The following GALNT2 variants were observed in gnomAD, a reference collection of about 807,000 sequenced individuals.
GALNT2 encodes the protein polypeptide N-acetylgalactosaminyltransferase 2.
Under a neutral mutation model 81.4 loss-of-function variants are expected in GALNT2, and 31 were observed. The observed-to-expected ratio is 0.38, with a 90% confidence interval of 0.29 to 0.51. The LOEUF (loss-of-function observed/expected upper bound fraction) is 0.51, where lower values mean the gene tolerates loss of function less well. Ranked by LOEUF, GALNT2 falls within the 20% of genes least tolerant of loss-of-function variation. The pLI is 0.87. For synonymous variants in GALNT2, 303 were observed against 287.4 expected, an observed-to-expected ratio of 1.05 and a Z score of -0.55; for missense variants, 629 against 765.7, an observed-to-expected ratio of 0.82 and a Z score of 2.11.
intron 1 of GALNT2, among the ~76,000 whole-genome samples, chr1:230,091,362 T>C (rs1029326766): frequency 5.9e-5 from 9 of 152,152 alleles, no homozygotes; most frequent in Middle Eastern, 6.8e-3. Context: ...GTGTGAGCCA[T>C]TGTGCCCGGT....
At chr1:230,274,225 C>G (rs1422176183) in intron 14 of GALNT2, among the ~76,000 whole-genome samples, 1 of 152,246 alleles carries the variant, frequency 6.6e-6, no homozygotes, top group Non-Finnish European at 1.5e-5. Context: ...GCACATCACT[C>G]AGCCAACTTA....
intron 1 of GALNT2, among the ~76,000 whole-genome samples, chr1:230,119,196 G>T (rs1660937937): frequency 6.6e-6 from 1 of 152,158 alleles, no homozygotes; most frequent in Non-Finnish European, 1.5e-5. Context: ...TACAACCTCT[G>T]GTTCTTGGAA....
At chr1:230,224,702 G>A (rs1247743117) in intron 3 of GALNT2, among the ~76,000 whole-genome samples, 1 of 152,240 alleles carries the variant, frequency 6.6e-6, no homozygotes, top group Non-Finnish European at 1.5e-5. Flanking sequence ...TTTGGTGAGC[G>A]AAGAGTGTGT....
At chr1:230,125,385 C>T (rs1177765345) in intron 1 of GALNT2, among the ~76,000 whole-genome samples, 1 of 152,150 alleles carries the variant, frequency 6.6e-6, no homozygotes, top group Non-Finnish European at 1.5e-5. Context: ...TCCTAGCGAC[C>T]CCTCCCTCAG....
At chr1:230,186,500 A>G (rs1387529780) in intron 2 of GALNT2, among the ~76,000 whole-genome samples, 3 of 152,384 alleles carry the variant, frequency 2.0e-5, no homozygotes, top group Middle Eastern at 6.8e-3. Context: ...TTCCTTTATT[A>G]TAATAATAGG....
intron 3 of GALNT2, among the ~76,000 whole-genome samples, chr1:230,205,148 G>A (rs79242222): frequency 0.013 from 1,983 of 152,234 alleles, 38 homozygotes; most frequent in African/African-American, 0.046. Flanking sequence ...AGAGACAAAT[G>A]GCCAGTGAAA....
chr1:230,068,066 G>C (rs1444829159), intron 1 of GALNT2, among the ~76,000 whole-genome samples: 1 of 152,300 alleles, frequency 6.6e-6, no homozygotes, highest in East Asian at 1.9e-4. Context: ...GTTACCCTCT[G>C]CCCAACCCGG....
intron 1 of GALNT2, among the ~76,000 whole-genome samples, chr1:230,080,922 CG>C (rs1341225699): frequency 6.6e-6 from 1 of 152,092 alleles, no homozygotes; most frequent in Non-Finnish European, 1.5e-5. Flanking sequence ...ACTTTGAAGG[CG>C]GGGAGGTGTT....
intron 1 of GALNT2, among the ~76,000 whole-genome samples, chr1:230,082,316 G>A (rs1659760128): frequency 6.6e-6 from 1 of 152,242 alleles, no homozygotes; most frequent in Non-Finnish European, 1.5e-5. Context: ...TGCTGTGTAA[G>A]TTTCCAGGGG....
intron 1 of GALNT2, among the ~76,000 whole-genome samples, chr1:230,088,959 G>A (rs1216836717): frequency 1.3e-5 from 2 of 152,056 alleles, no homozygotes; most frequent in African/African-American, 4.8e-5. Flanking sequence ...TGCGTCTGTG[G>A]ATTTATCCAT....
chr1:230,085,357 A>G (rs1031607558), intron 1 of GALNT2, among the ~76,000 whole-genome samples: 11 of 152,206 alleles, frequency 7.2e-5, no homozygotes, highest in African/African-American at 2.7e-4. Context: ...AACACTGGGC[A>G]TACAGATGAG....
chr1:230,248,839 A>G (rs936090673), intron 8 of GALNT2, among the ~76,000 whole-genome samples: 5 of 152,094 alleles, frequency 3.3e-5, no homozygotes, highest in East Asian at 3.9e-4. Flanking sequence ...TCACATCCTT[A>G]CAGCCCTTGG....
At chr1:230,118,021 A>G (rs147938362) in intron 1 of GALNT2, among the ~76,000 whole-genome samples, 2 of 151,992 alleles carry the variant, frequency 1.3e-5, no homozygotes, top group African/African-American at 4.8e-5. Context: ...ATCCCTCCCA[A>G]CCCCGATAAC....
intron 3 of GALNT2, among the ~76,000 whole-genome samples, chr1:230,227,533 CTA>C (rs141971454): frequency 4.7e-4 from 68 of 144,396 alleles, no homozygotes; most frequent in Middle Eastern, 3.6e-3. Context: ...TATAATACAG[CTA>C]TATATATATA....
chr1:230,117,086 A>G (rs895841720), intron 1 of GALNT2, among the ~76,000 whole-genome samples: 1 of 152,224 alleles, frequency 6.6e-6, no homozygotes, highest in Non-Finnish European at 1.5e-5. Flanking sequence ...CAGCTTCTCC[A>G]TCAGCACTTG....
intron 3 of GALNT2, among the ~76,000 whole-genome samples, chr1:230,204,832 C>T (rs558695505): frequency 1.3e-5 from 2 of 152,308 alleles, no homozygotes; most frequent in South Asian, 2.1e-4. Context: ...ACTCTGTGCT[C>T]GGATCCTAGC....
In GALNT2 at chr1:230,067,256, C is replaced by G; in HGVS notation, c.-25C>G. The G allele has an allele frequency of 7.8e-7, 1 of 1,278,072 alleles. No individual in the cohort carries two copies. Among genetic ancestry groups the G allele is most frequent in the Non-Finnish European group, 1.0e-6 (1 of 1,004,760 alleles). 79.2% of individuals were successfully genotyped at this position (1,278,072 alleles called of 1,614,324 possible). On this transcript the variant is annotated 5_prime_UTR_variant, in exon 1 of 16. Coordinates refer to ENST00000366672, the MANE Select transcript of GALNT2 (RefSeq NM_004481.5). ...AGGCAGCACTCGCGAGCAGCGGCGG[C>G]CCCGCCGGCGGCCGAGTTGGGAGAA...
chr1:230,078,279 G>GC (rs529337336), intron 1 of GALNT2, among the ~76,000 whole-genome samples: 101 of 150,064 alleles, frequency 6.7e-4, no homozygotes, highest in African/African-American at 2.3e-3. Flanking sequence ...TGTCGTATTT[G>GC]GGGGGGGATC....
intron 3 of GALNT2, among the ~76,000 whole-genome samples, chr1:230,223,303 C>G (rs1664607484): frequency 6.6e-6 from 1 of 150,800 alleles, no homozygotes; most frequent in Admixed American, 6.6e-5. Flanking sequence ...TAATCTCCTA[C>G]TTTATTTCAC....
Sources: gnomAD v4.1 joint callset for allele counts (sites outside exome capture counted in the v4.1 genomes callset) on GRCh38, gnomAD v4.1.1 for gene constraint, MANE v1.5 for transcripts, NCBI Gene and HGNC (gene_info 2026-07-23, HGNC 2026-07-21) for gene names.